Variants in SLCO3A1 observed in about 807,000 individuals in gnomAD.
SLCO3A1 encodes solute carrier organic anion transporter family member 3A1, also known as PGE1 transporter.
A neutral mutation model predicts 63.1 loss-of-function variants in SLCO3A1; 27 were observed. The ratio of observed to expected loss-of-function variants is 0.43; its 90% confidence interval spans 0.32 to 0.59. The LOEUF (loss-of-function observed/expected upper bound fraction) is 0.59, where lower values mean the gene tolerates loss of function less well. Ranked by LOEUF, SLCO3A1 falls within the 20% of genes least tolerant of loss-of-function variation. The pLI, the probability that SLCO3A1 is intolerant of heterozygous loss-of-function variation, is 0.09. For synonymous variants in SLCO3A1, 473 were observed against 409.9 expected, an observed-to-expected ratio of 1.15 and a Z score of -1.86; for missense variants, 773 against 945.8, an observed-to-expected ratio of 0.82 and a Z score of 2.40.
intron 2 of SLCO3A1, among the ~76,000 whole-genome samples, chr15:92,027,356 G>C (rs1567074349): frequency 6.6e-6 from 1 of 152,206 alleles, no homozygotes; most frequent in Non-Finnish European, 1.5e-5. Flanking sequence ...TAAGACACAG[G>C]CTAATGCCTT....
chr15:91,953,306 T>C (rs1277687378), intron 2 of SLCO3A1, among the ~76,000 whole-genome samples: 1 of 152,220 alleles, frequency 6.6e-6, no homozygotes, highest in African/African-American at 2.4e-5. Flanking sequence ...GAGGGAACTA[T>C]GCTATGGCTG....
intron 2 of SLCO3A1, among the ~76,000 whole-genome samples, chr15:91,971,167 G>A (rs898975428): frequency 4.0e-5 from 6 of 151,898 alleles, no homozygotes; most frequent in South Asian, 4.2e-4. Flanking sequence ...AGGCCGAGGC[G>A]GGCGGATCAT....
At chr15:92,019,538 C>T (rs1015810641) in intron 2 of SLCO3A1, among the ~76,000 whole-genome samples, 10 of 152,228 alleles carry the variant, frequency 6.6e-5, no homozygotes, top group East Asian at 3.8e-4. Context: ...GTACGACACA[C>T]GCTGGAAGCA....
chr15:92,162,667 C>T, intron 9 of SLCO3A1, 89 bp from the exon 10 acceptor site: 8 of 1,516,754 alleles, frequency 5.3e-6, no homozygotes, highest in Non-Finnish European at 5.3e-6. Context: ...ATTTGCCTAG[C>T]AGTGCTATAA....
rs761762073 is a variant in SLCO3A1, at chr15:92,035,849, G to A, written c.647-59032G>A. On this transcript the variant is annotated intron_variant, in intron 2 of 9. Transcript: ENST00000318445. ...GAGCCTGTGGCTTATAAAGCCTGGT[G>A]GTAGGGAAAAGACAGAAGTTTTGGG... Among the ~76,000 whole-genome samples the A allele has an allele frequency of 2.8e-4, 43 of 151,830 alleles. 1 individual carries two copies. Among genetic ancestry groups the A allele is most frequent in the South Asian group, 1.2e-3 (6 of 4,818 alleles).
intron 2 of SLCO3A1, among the ~76,000 whole-genome samples, chr15:91,991,931 T>C (rs2046131094): frequency 6.6e-6 from 1 of 152,216 alleles, no homozygotes; most frequent in Admixed American, 6.5e-5. Context: ...AATCTGAGAA[T>C]GGTGAGTCCA....
At chr15:92,029,655 T>C (rs1006099689) in intron 2 of SLCO3A1, among the ~76,000 whole-genome samples, 3 of 148,218 alleles carry the variant, frequency 2.0e-5, no homozygotes, top group Admixed American at 2.0e-4. Flanking sequence ...CTGTTTTTTT[T>C]CCCCTCCTTG....
At position 92,164,559 on chromosome 15, in the gene SLCO3A1, G is replaced by C; in HGVS notation, c.*1424G>C. 1 of 985,226 alleles carries C rather than the reference G, an allele frequency of 1.0e-6. No homozygotes were observed. Among genetic ancestry groups the C allele is most frequent in the Non-Finnish European group, 1.2e-6 (1 of 829,912 alleles). 61.0% of individuals were successfully genotyped at this position (985,226 alleles called of 1,614,324 possible). ...TTGTGTGTATGGGTGCAACACTTCC[G>C]GGGATAGGAAAGAAGAACAGTTCCC... On this transcript the variant is annotated 3_prime_UTR_variant, in exon 10 of 10. Coordinates refer to ENST00000318445, the MANE Select transcript of SLCO3A1 (RefSeq NM_013272.4).
intron 2 of SLCO3A1, among the ~76,000 whole-genome samples, chr15:92,058,159 G>C (rs1220497205): frequency 1.3e-5 from 2 of 151,148 alleles, no homozygotes; most frequent in Admixed American, 6.6e-5. Context: ...AAGCGTGAGA[G>C]TGTGTGAGTG....
Position 92,147,009 on chromosome 15 carries a change from C to T in SLCO3A1, c.1538C>T (p.Thr513Ile), listed in dbSNP as rs1428416729. 4 of 1,613,734 alleles carry T rather than the reference C, an allele frequency of 2.5e-6. No individual in the cohort carries two copies. The highest frequency in any genetic ancestry group is 1.3e-5 in the African/African-American group (1 of 75,056). The change falls in exon 8 of 10, where the codon ACC becomes ATC. Residue 513 changes from threonine to isoleucine, a missense_variant. Thr to Ile is a moderately conservative substitution (Grantham distance 89, BLOSUM62 -1). Coordinates refer to ENST00000318445, the MANE Select transcript of SLCO3A1 (RefSeq NM_013272.4). Reference protein sequence around the residue: ...STNLTGCACLTTVPAENATVV... With the variant: ...STNLTGCACLITVPAENATVV... Reference sequence around the variant, plus strand: ...AATCTCACGGGCTGTGCGTGCCTCACCACCGTCCCTGCTGAGAACGCAACC... The same window carrying T: ...AATCTCACGGGCTGTGCGTGCCTCATCACCGTCCCTGCTGAGAACGCAACC...
downstream of SLCO3A1, among the ~76,000 whole-genome samples, chr15:92,170,115 G>A (rs900327240): frequency 3.3e-5 from 5 of 152,126 alleles, no homozygotes; most frequent in African/African-American, 9.7e-5. Flanking sequence ...TTTTCTTAAC[G>A]TTAACCTTAT....
chr15:91,952,860 C>T lies in SLCO3A1; in HGVS notation c.646+36402C>T, dbSNP rs560421397. Among the ~76,000 whole-genome samples the T allele has an allele frequency of 6.6e-5, 10 of 152,238 alleles. No homozygotes were observed. In the East Asian group the frequency reaches 1.4e-3, roughly 21 times the overall value. On this transcript the variant is annotated intron_variant, in intron 2 of 9. Transcript: ENST00000318445. ...TCTCCAAAATCTAATTCCCATTGAC[C>T]GCATCACACTGCTGTGTCCAGGAGG...
chr15:91,898,590 C>T (rs910651008), intron 1 of SLCO3A1, among the ~76,000 whole-genome samples: 12 of 152,092 alleles, frequency 7.9e-5, no homozygotes, highest in Admixed American at 1.3e-4. Flanking sequence ...TTTAACATTT[C>T]GATCCGCAAG....
chr15:92,167,924 A>G (rs967529629), downstream of SLCO3A1, among the ~76,000 whole-genome samples: 21 of 151,440 alleles, frequency 1.4e-4, no homozygotes, highest in Non-Finnish European at 2.5e-4. Flanking sequence ...GACTATCCAC[A>G]TTAGCATTTT....
chr15:92,148,046 T>C (rs1270382746), intron 8 of SLCO3A1, among the ~76,000 whole-genome samples: 3 of 152,242 alleles, frequency 2.0e-5, no homozygotes, highest in Admixed American at 2.0e-4. Flanking sequence ...GAGAAACCTC[T>C]TCTCTACAAA....
intron 2 of SLCO3A1, among the ~76,000 whole-genome samples, chr15:92,044,816 C>G (rs1275700722): frequency 6.6e-6 from 1 of 152,148 alleles, no homozygotes; most frequent in Non-Finnish European, 1.5e-5. Context: ...CCCTTGACTC[C>G]TGACGTAGTC....
chr15:92,141,163 G>A (rs2151580967), intron 7 of SLCO3A1, among the ~76,000 whole-genome samples: 1 of 152,290 alleles, frequency 6.6e-6, no homozygotes. Flanking sequence ...CCCAAGTTTG[G>A]ATGCCAAGCA....
chr15:92,002,866 G>A (rs1379612519), intron 2 of SLCO3A1, among the ~76,000 whole-genome samples: 1 of 152,170 alleles, frequency 6.6e-6, no homozygotes, highest in African/African-American at 2.4e-5. Context: ...TGCTGACTCA[G>A]TATAGGATCA....
At chr15:92,022,495 G>A (rs968630568) in intron 2 of SLCO3A1, among the ~76,000 whole-genome samples, 2 of 152,198 alleles carry the variant, frequency 1.3e-5, no homozygotes, top group African/African-American at 4.8e-5. Context: ...CTCTTGCCTT[G>A]TAGGAGTGGT....
Sources: gnomAD v4.1 joint callset for allele counts (sites outside exome capture counted in the v4.1 genomes callset) on GRCh38, gnomAD v4.1.1 for gene constraint, MANE v1.5 for transcripts, NCBI Gene and HGNC (gene_info 2026-07-23, HGNC 2026-07-21) for gene names.